DLG2: variants seen among roughly 807,000 people sequenced by gnomAD.
DLG2 encodes disks large homolog 2.
A neutral mutation model predicts 132.5 loss-of-function variants in DLG2; 45 were observed. The observed-to-expected ratio is 0.34, with a 90% CI of 0.27 to 0.44. DLG2 has a LOEUF of 0.44. Ranked by LOEUF, DLG2 falls within the 20% of genes least tolerant of loss-of-function variation. The probability of loss-of-function intolerance (pLI) is 1.00; values close to 1 mark genes in which losing one functional copy is unlikely to be tolerated. For missense variants in DLG2, 1,045 were observed against 1,196.9 expected (o/e 0.87, Z 1.87); for synonymous variants, 424 against 419.6 (o/e 1.01, Z -0.13).
rs1368461474 is a variant in DLG2, at chr11:83,518,762, CAT to C, written c.2193+13944_2193+13945del. On this transcript the variant is annotated intron_variant, in intron 21 of 27. Coordinates refer to ENST00000376104, the MANE Select transcript of DLG2 (RefSeq NM_001142699.3). The stretch of plus-strand genomic sequence containing the variant: ...CAAAATCTACCCATCAGAGTCTTAG[CAT>C]ATATATATGTATATATTTGTACTTA... Among the ~76,000 whole-genome samples, 6 of 152,008 alleles carry C rather than the reference CAT, an allele frequency of 3.9e-5. No individual in the cohort carries two copies. In the South Asian group the frequency reaches 1.2e-3, roughly 32 times the overall value.
chr11:85,608,580 T>C (rs1438566594), intron 2 of DLG2, among the ~76,000 whole-genome samples: 1 of 151,970 alleles, frequency 6.6e-6, no homozygotes, highest in Non-Finnish European at 1.5e-5. Context: ...CAGCTCCCCT[T>C]CCCATTAAGG....
At chr11:85,030,796 T>C (rs1250941487) in intron 6 of DLG2, among the ~76,000 whole-genome samples, 1 of 152,154 alleles carries the variant, frequency 6.6e-6, no homozygotes, top group Non-Finnish European at 1.5e-5. Context: ...AATTTCCCTC[T>C]AGTGTCTTTT....
intron 11 of DLG2, among the ~76,000 whole-genome samples, chr11:83,995,277 A>G (rs1394870520): frequency 1.3e-5 from 2 of 152,164 alleles, no homozygotes; most frequent in Non-Finnish European, 2.9e-5. Flanking sequence ...GAAGAAAGGC[A>G]GGTTGTATCA....
intron 7 of DLG2, among the ~76,000 whole-genome samples, chr11:84,254,133 C>G (rs1423950612): frequency 6.6e-6 from 1 of 152,112 alleles, no homozygotes; most frequent in Non-Finnish European, 1.5e-5. Context: ...TGAAAACTCT[C>G]TGAATATCAC....
intron 6 of DLG2, among the ~76,000 whole-genome samples, chr11:84,816,805 C>G (rs962633111): frequency 6.6e-6 from 1 of 151,946 alleles, no homozygotes; most frequent in Non-Finnish European, 1.5e-5. Context: ...CATGAAATCT[C>G]TGTGTAAACT....
chr11:83,788,879 T>G (rs912770419), intron 17 of DLG2, among the ~76,000 whole-genome samples: 4 of 152,248 alleles, frequency 2.6e-5, no homozygotes, highest in African/African-American at 9.6e-5. Context: ...ATTTCTTTAA[T>G]CATAATTCTA....
At chr11:85,620,676 A>C (rs974957448) in intron 2 of DLG2, among the ~76,000 whole-genome samples, 7 of 152,218 alleles carry the variant, frequency 4.6e-5, no homozygotes, top group African/African-American at 1.7e-4. Flanking sequence ...CCTCAAACCA[A>C]AGTCTAATCC....
intron 27 of DLG2, among the ~76,000 whole-genome samples, chr11:83,460,430 T>C (rs2089677984): frequency 6.6e-6 from 1 of 152,224 alleles, no homozygotes; most frequent in Non-Finnish European, 1.5e-5. Context: ...TCAAAGCCCT[T>C]AATAGGAAAA....
chr11:84,886,349 T>A (rs1484182765), intron 6 of DLG2, among the ~76,000 whole-genome samples: 1 of 152,160 alleles, frequency 6.6e-6, no homozygotes, highest in Non-Finnish European at 1.5e-5. Context: ...AACAACAAGA[T>A]CATTTTCTTT....
intron 3 of DLG2, among the ~76,000 whole-genome samples, chr11:85,488,053 TG>T (rs1365932051): frequency 1.3e-5 from 2 of 152,202 alleles, no homozygotes; most frequent in African/African-American, 2.4e-5. Flanking sequence ...TAGGGATTTT[TG>T]CTTTTGCATC....
At chr11:85,566,178 G>A (rs2077515885) in intron 3 of DLG2, among the ~76,000 whole-genome samples, 1 of 152,046 alleles carries the variant, frequency 6.6e-6, no homozygotes, top group African/African-American at 2.4e-5. Context: ...TCAAAAATTT[G>A]CCAATTTTTA....
chr11:84,046,288 T>C (rs963140338), intron 11 of DLG2, among the ~76,000 whole-genome samples: 1 of 151,584 alleles, frequency 6.6e-6, no homozygotes, highest in Non-Finnish European at 1.5e-5. Flanking sequence ...ACGTAATGAG[T>C]GAAAATATAT....
At chr11:85,397,689 T>G (rs1458245237) in intron 3 of DLG2, among the ~76,000 whole-genome samples, 1 of 152,196 alleles carries the variant, frequency 6.6e-6, no homozygotes, top group Non-Finnish European at 1.5e-5. Flanking sequence ...AGAAGGCCAC[T>G]ACATAATGGT....
At chr11:84,524,315 C>A (rs1453171698) in intron 7 of DLG2, among the ~76,000 whole-genome samples, 1 of 152,140 alleles carries the variant, frequency 6.6e-6, no homozygotes, top group African/African-American at 2.4e-5. Context: ...TTTCTTCCCG[C>A]TTTTCAATAT....
Position 84,920,061 on chromosome 11 carries a change from A to T in DLG2, c.357+191600T>A, listed in dbSNP as rs151153659. 2.8e-3 allele frequency among the ~76,000 whole-genome samples: 424 copies of T among 152,358 alleles called. 1 individual carries two copies. Among genetic ancestry groups the T allele is most frequent in the Non-Finnish European group, 3.5e-3 (239 of 68,026 alleles). Reference sequence around the variant, plus strand: ...AGGACATAAATAATGGACATTGATTAGAAGTTTTCATTCATTTCATTTCCT... The same window carrying T: ...AGGACATAAATAATGGACATTGATTTGAAGTTTTCATTCATTTCATTTCCT... On this transcript the variant is annotated intron_variant, in intron 6 of 27. Coordinates refer to ENST00000376104, the MANE Select transcript of DLG2 (RefSeq NM_001142699.3).
At chr11:83,857,523 A>G (rs922515152) in intron 16 of DLG2, among the ~76,000 whole-genome samples, 4 of 152,186 alleles carry the variant, frequency 2.6e-5, no homozygotes, top group African/African-American at 9.7e-5. Context: ...GATCATCCCC[A>G]AGACACATAA....
chr11:85,395,423 A>AT, intron 3 of DLG2, among the ~76,000 whole-genome samples: 1 of 152,278 alleles, frequency 6.6e-6, no homozygotes, highest in Middle Eastern at 3.4e-3. Flanking sequence ...GGTGCAGCCC[A>AT]TGGAGGGTGA....
intron 6 of DLG2, among the ~76,000 whole-genome samples, chr11:84,844,105 TTGTGTGTG>T (rs1213298818): frequency 1.8e-3 from 147 of 80,848 alleles, no homozygotes; most frequent in Non-Finnish European, 2.2e-3. Context: ...ATATATATGT[TTGTGTGTG>T]TGTGTGTGTG....
chr11:83,563,296 G>C (rs1023705564), intron 19 of DLG2, among the ~76,000 whole-genome samples: 1 of 152,018 alleles, frequency 6.6e-6, no homozygotes, highest in Non-Finnish European at 1.5e-5. Context: ...CTTTACTACT[G>C]GCTTTAACTC....
Sources: gnomAD v4.1 joint callset for allele counts (sites outside exome capture counted in the v4.1 genomes callset) on GRCh38, gnomAD v4.1.1 for gene constraint, MANE v1.5 for transcripts, NCBI Gene and HGNC (gene_info 2026-07-23, HGNC 2026-07-21) for gene names.